Variants in OTUD4 observed in about 807,000 individuals in gnomAD.
OTUD4 encodes OTU deubiquitinase 4.
In OTUD4, 24 loss-of-function variants were observed where a neutral mutation model predicts 130.4. That is an observed-to-expected ratio of 0.18 (90% CI 0.13 to 0.26). OTUD4 has a LOEUF of 0.26. Among genes scored for constraint, OTUD4 ranks in the 10% least tolerant of loss-of-function variants. OTUD4 has a pLI of 1.00. For missense variants in OTUD4, 1,031 were observed against 1,329.4 expected, an observed-to-expected ratio of 0.78 and a Z score of 3.49; for synonymous variants, 420 against 472.5, an observed-to-expected ratio of 0.89 and a Z score of 1.44.
rs769333791 is a variant in OTUD4, at chr4:145,137,717, T to C, written c.3058A>G (p.Lys1020Glu). The C allele has an allele frequency of 3.7e-6, 6 of 1,613,994 alleles. No individual in the cohort carries two copies. The South Asian group carries it at 4.4e-5, about 12-fold the overall frequency. ...NSVDSRVQRP[K>E]EESSEDENEV... Reference sequence around the variant, plus strand: ...TTTTCATCTTCTGAACTCTCTTCTTTTGGTCTTTGCACTCTGCTATCAACA... The same window carrying C: ...TTTTCATCTTCTGAACTCTCTTCTTCTGGTCTTTGCACTCTGCTATCAACA... Residue 1020 changes from lysine (K) to glutamate (E), a missense_variant, in exon 21 of 21, where the codon AAA (lysine) becomes GAA (glutamate). Lys to Glu is a moderately conservative substitution (Grantham distance 56, BLOSUM62 1). Coordinates refer to ENST00000447906, the MANE Select transcript of OTUD4 (RefSeq NM_001366057.1).
Position 145,136,463 on chromosome 4 carries a change from CGGGGGGGGG to C in OTUD4, c.*958_*966del, listed in dbSNP as rs769298389. The C allele has an allele frequency of 6.3e-3, 27 of 4,286 alleles. 6 individuals carry two copies. The Admixed American group carries it at 0.091, about 14-fold the overall frequency. 0.3% of individuals were successfully genotyped at this position (4,286 alleles called of 1,614,324 possible). On this transcript the variant is annotated 3_prime_UTR_variant, in exon 21 of 21. Coordinates refer to ENST00000447906, the MANE Select transcript of OTUD4 (RefSeq NM_001366057.1). ...TGAAAGTGATACACAACCAATGGTG[CGGGGGGGGG>C]GGGGAGGAAGAAAACAACTCTAGAA...
At position 145,146,369 on chromosome 4, in the gene OTUD4, G is replaced by T. The variant is rs768030167; in HGVS notation, c.1320C>A (p.Phe440Leu). The change falls in exon 14 of 21, where the codon TTC becomes TTA. Residue 440 changes from phenylalanine (F) to leucine (L), a missense_variant. Phe to Leu is a conservative substitution (Grantham distance 22). Transcript: ENST00000447906. Reference protein sequence around the residue: ...FDHTSRESNYFGLSPEERREK... With the variant: ...FDHTSRESNYLGLSPEERREK... ...CTCTGCGCTCTTCTGGGGAAAGGCC[G>T]AAATAGTTAGATTCTCGACTTGTGT... 1 of 1,590,584 alleles carries T rather than the reference G, an allele frequency of 6.3e-7. No individual in the cohort carries two copies. The highest frequency in any genetic ancestry group is 2.3e-5 in the East Asian group (1 of 43,110).
At chr4:145,168,482 C>A (rs1751989802) in intron 3 of OTUD4, among the ~76,000 whole-genome samples, 1 of 148,072 alleles carries the variant, frequency 6.8e-6, no homozygotes, top group Non-Finnish European at 1.5e-5. Context: ...GAACACATAT[C>A]CAATACAGGA....
At chr4:145,179,587 C>T in intron 1 of OTUD4, 1 of 1,366,392 alleles carries the variant, frequency 7.3e-7, no homozygotes, top group Non-Finnish European at 9.4e-7. Flanking sequence ...ACCTCTTCAT[C>T]AGGAGAGAGA....
At chr4:145,146,659 T>C (rs1407329056) in intron 13 of OTUD4, among the ~76,000 whole-genome samples, 1 of 152,126 alleles carries the variant, frequency 6.6e-6, no homozygotes, top group Non-Finnish European at 1.5e-5. Flanking sequence ...AGCATTAGCC[T>C]ACCTTACAGA....
chr4:145,171,672 G>A lies in OTUD4; in HGVS notation c.292C>T (p.Gln98Ter). ...TATACTAGAAGACTGTGACATACCT[G>A]TGGATTTTCCAAACGCTTTAAATAT... ...EEYLKRLENP[Q>*]EWVGQVEISA... The change falls in exon 3 of 21, where the codon CAG becomes TAG. Residue 98 changes from glutamine to a stop codon, truncating the protein, a stop_gained and splice_region_variant. Transcript: ENST00000447906. LOFTEE classifies it high-confidence loss of function. The A allele has an allele frequency of 7.7e-7, 1 of 1,305,438 alleles. No homozygotes were observed. The allele number at this position is 1,305,438 out of a possible 1,614,324, so 80.9% of individuals were successfully genotyped here.
chr4:145,159,754 T>C, intron 6 of OTUD4, 119 bp from the exon 7 acceptor site: 6 of 903,518 alleles, frequency 6.6e-6, no homozygotes, highest in Non-Finnish European at 1.0e-5. Flanking sequence ...TGACTAGATA[T>C]CTGCTAAACC....
At chr4:145,146,455 A>AAAAT in intron 13 of OTUD4, 26 bp from the exon 14 acceptor site, 5 of 1,278,248 alleles carry the variant, frequency 3.9e-6, no homozygotes, top group East Asian at 2.6e-5. Flanking sequence ...TTCTTGTCAG[A>AAAAT]AAATACATAA....
At chr4:145,143,291 T>C (rs1054200874) in intron 17 of OTUD4, 74 bp downstream of exon 17, 2 of 862,730 alleles carry the variant, frequency 2.3e-6, no homozygotes, top group East Asian at 5.1e-5. Context: ...TTTCTGTTTT[T>C]AAATGACCCT....
intron 17 of OTUD4, among the ~76,000 whole-genome samples, chr4:145,143,114 CAA>C (rs1300725681): frequency 3.3e-5 from 5 of 152,052 alleles, no homozygotes; most frequent in Non-Finnish European, 7.4e-5. Flanking sequence ...TAAATATATT[CAA>C]AGTCAATTCA....
At chr4:145,169,014 A>G (rs1429447460) in intron 3 of OTUD4, among the ~76,000 whole-genome samples, 1 of 152,264 alleles carries the variant, frequency 6.6e-6, no homozygotes, top group Non-Finnish European at 1.5e-5. Context: ...AGTATTTCCA[A>G]TAGGCTAAGT....
chr4:145,146,996 G>A (rs1294358099), intron 13 of OTUD4, among the ~76,000 whole-genome samples: 1 of 152,094 alleles, frequency 6.6e-6, no homozygotes, highest in Non-Finnish European at 1.5e-5. Flanking sequence ...GCATAGATAA[G>A]ACTGCTGTCA....
chr4:145,169,325 C>T (rs980204010), intron 3 of OTUD4, among the ~76,000 whole-genome samples: 1 of 152,142 alleles, frequency 6.6e-6, no homozygotes, highest in African/African-American at 2.4e-5. Context: ...TATTCTCGCA[C>T]AAGTTTGAAG....
In OTUD4 at chr4:145,146,425, G is replaced by T; in HGVS notation, c.1264C>A (p.Pro422Thr). Residue 422 changes from proline to threonine, a missense_variant, in exon 14 of 21, where the codon CCT (proline) becomes ACT (threonine). Physicochemically the swap from Pro to Thr is conservative, Grantham distance 38. Transcript: ENST00000447906. Reference sequence around the variant, plus strand: ...AAATCCTCAACTCTTTCACGATCAGGTTTTCTGTCAAATAAAACATTCTTG... The same window carrying T: ...AAATCCTCAACTCTTTCACGATCAGTTTTTCTGTCAAATAAAACATTCTTG... ...SRTPSQIIRKPDRERVEDFDH... is the reference protein window; with the variant it reads ...SRTPSQIIRKTDRERVEDFDH... 6.6e-7 allele frequency: 1 copy of T among 1,513,344 alleles called. No individual in the cohort carries two copies. Among genetic ancestry groups the T allele is most frequent in the Non-Finnish European group, 8.8e-7 (1 of 1,134,694 alleles). The allele number at this position is 1,513,344 out of a possible 1,614,324, so 93.7% of individuals were successfully genotyped here.
rs192431932 is a variant in OTUD4 at position 145,165,879 on chromosome 4, C to T, written c.295-682G>A. 1.3e-4 allele frequency among the ~76,000 whole-genome samples: 19 copies of T among 151,860 alleles called. No individual in the cohort carries two copies. In the East Asian group the frequency reaches 3.5e-3, roughly 28 times the overall value. On this transcript the variant is annotated intron_variant, in intron 3 of 20. Coordinates refer to ENST00000447906, the MANE Select transcript of OTUD4 (RefSeq NM_001366057.1). ...CGGGAAATGAAATACTGAATAGAGG[C>T]GGCTGGGCGCAGTGGCTCATGCCTG...
In OTUD4 at chr4:145,137,991, C is replaced by T; in HGVS notation, c.2784G>A (p.Val928=). The T allele has an allele frequency of 6.2e-7, 1 of 1,614,198 alleles. No individual in the cohort carries two copies. The highest frequency in any genetic ancestry group is 8.5e-7 in the Non-Finnish European group (1 of 1,180,050). Residue 928 remains valine, a synonymous_variant, in exon 21 of 21, where the codon GTG becomes GTA. Transcript: ENST00000447906. Reference sequence around the variant, plus strand: ...TCCGGCCTTCGTCCGGCTTACTGCTCACACTTGCTTCAGGGAGAGAATGTA... The same window carrying T: ...TCCGGCCTTCGTCCGGCTTACTGCTTACACTTGCTTCAGGGAGAGAATGTA... ...EHVHSLPEAS[V]SSKPDEGRTE... is the part of the protein sequence containing the mutation.
intron 13 of OTUD4, among the ~76,000 whole-genome samples, chr4:145,146,868 GAATGGTCC>G (rs1047633204): frequency 5.9e-5 from 9 of 152,108 alleles, no homozygotes; most frequent in South Asian, 2.1e-4. Flanking sequence ...AAGTAAAGGG[GAATGGTCC>G]AATGGTCCAA....
At chr4:145,176,464 T>C (rs1167131503) in intron 1 of OTUD4, among the ~76,000 whole-genome samples, 1 of 148,748 alleles carries the variant, frequency 6.7e-6, no homozygotes, top group Non-Finnish European at 1.5e-5. Context: ...GGAGGGTGGG[T>C]CCCCTGAGGT....
chr4:145,159,345 G>C (rs1751442719), intron 7 of OTUD4, 158 bp downstream of exon 7: 1 of 1,473,954 alleles, frequency 6.8e-7, no homozygotes, highest in African/African-American at 1.4e-5. Context: ...GGTAAAATTA[G>C]TGACAGGGAT....
Sources: gnomAD v4.1 joint callset for allele counts (sites outside exome capture counted in the v4.1 genomes callset) on GRCh38, gnomAD v4.1.1 for gene constraint, MANE v1.5 for transcripts, NCBI Gene and HGNC (gene_info 2026-07-23, HGNC 2026-07-21) for gene names.